ATRX: variants seen among roughly 807,000 people sequenced by gnomAD.
ATRX encodes chromatin remodeler ATRX.
In ATRX, 12 loss-of-function variants were observed where a neutral mutation model predicts 172.6. The observed-to-expected ratio is 0.07, with a 90% CI of 0.04 to 0.11. ATRX has a LOEUF of 0.11. Among genes scored for constraint, ATRX ranks in the 10% least tolerant of loss-of-function variants. The probability of loss-of-function intolerance (pLI) is 1.00; values close to 1 mark genes in which losing one functional copy is unlikely to be tolerated. For synonymous variants in ATRX, 674 were observed against 594.7 expected (o/e 1.13, Z -1.94); for missense variants, 1,368 against 1,767.4 (o/e 0.77, Z 4.05).
intron 15 of ATRX, among the ~76,000 whole-genome samples, chrX:77,638,763 G>A (rs1291349062): frequency 2.7e-5 from 3 of 112,153 alleles, no homozygotes; most frequent in East Asian, 5.6e-4. Flanking sequence ...CAAGATTAAC[G>A]CTGAGAAACA....
At chrX:77,672,347 C>T (rs981180549) in intron 10 of ATRX, among the ~76,000 whole-genome samples, 2 of 110,695 alleles carry the variant, frequency 1.8e-5, no homozygotes, top group Admixed American at 1.9e-4. Context: ...GAACATCAAA[C>T]GATTAAGGGA....
chrX:77,747,332 T>C (rs962929659), intron 1 of ATRX, among the ~76,000 whole-genome samples: 3 of 110,020 alleles, frequency 2.7e-5, no homozygotes, highest in Non-Finnish European at 5.7e-5. Flanking sequence ...AGGACCAGCC[T>C]GGCCAACATG....
At chrX:77,755,739 C>T (rs1181369359) in intron 1 of ATRX, among the ~76,000 whole-genome samples, 1 of 111,414 alleles carries the variant, frequency 9.0e-6, no homozygotes, top group Non-Finnish European at 1.9e-5. Context: ...CTGATGCCCA[C>T]GGGAGCTCTC....
At position 77,694,447 on chromosome X, in the gene ATRX, G is replaced by A. The variant is rs1477278370; in HGVS notation, c.371-510C>T. ...AAATGAAGTTCATTCTATTACTCCT[G>A]TATCTATACTGCAGCATTTCCCAAC... On this transcript the variant is annotated intron_variant, in intron 5 of 34. Transcript: ENST00000373344. 2.7e-5 allele frequency among the ~76,000 whole-genome samples: 3 copies of A among 111,022 alleles called. No individual in the cohort carries two copies. The Admixed American group carries it at 2.9e-4, about 11-fold the overall frequency.
At chrX:77,600,167 G>A (rs898981089) in intron 23 of ATRX, among the ~76,000 whole-genome samples, 44 of 111,664 alleles carry the variant, frequency 3.9e-4, no homozygotes, top group African/African-American at 1.4e-3. Context: ...CTGGGTCAAA[G>A]GTATAGGGGA....
intron 1 of ATRX, among the ~76,000 whole-genome samples, chrX:77,719,762 T>C (rs1225308803): frequency 6.3e-5 from 7 of 111,282 alleles, no homozygotes; most frequent in South Asian, 7.5e-4. Flanking sequence ...CTGTCAATAT[T>C]AGACAGACCG....
chrX:77,660,044 A>C (rs1557121730), intron 12 of ATRX, among the ~76,000 whole-genome samples: 2 of 112,106 alleles, frequency 1.8e-5, no homozygotes, highest in African/African-American at 6.5e-5. Context: ...CCACAGAATC[A>C]GGCTGTAGAA....
chrX:77,673,894 G>A (rs1557132202), intron 10 of ATRX: 1 of 110,453 alleles, frequency 9.1e-6, no homozygotes. Context: ...AACAAATTAT[G>A]TCAACTCTCA....
intron 2 of ATRX, among the ~76,000 whole-genome samples, chrX:77,699,898 A>G (rs971854187): frequency 8.9e-6 from 1 of 112,284 alleles, no homozygotes; most frequent in Non-Finnish European, 1.9e-5. Flanking sequence ...TAAAAAACAG[A>G]AAAGGAGGCA....
intron 1 of ATRX, among the ~76,000 whole-genome samples, chrX:77,754,068 G>A (rs782327715): frequency 9.0e-5 from 10 of 111,680 alleles, no homozygotes; most frequent in Admixed American, 1.9e-4. Context: ...TTGTTGCATC[G>A]ATCCCTTAAC....
At chrX:77,730,938 G>A (rs1215151037) in intron 1 of ATRX, among the ~76,000 whole-genome samples, 1 of 110,277 alleles carries the variant, frequency 9.1e-6, no homozygotes, top group Non-Finnish European at 1.9e-5. Context: ...AAAAGCAAGA[G>A]TAAACCAACC....
Position 77,629,589 on chromosome X carries a change from C to T in ATRX, c.5134+3618G>A, listed in dbSNP as rs781797663. The stretch of plus-strand genomic sequence containing the variant: ...AGTAGAGCTTCAGTTTCCTGAAGAA[C>T]ATCCAGTAAAACCTAATGGAGAAAC... On this transcript the variant is annotated intron_variant, in intron 19 of 34. Transcript: ENST00000373344. 2.4e-4 allele frequency among the ~76,000 whole-genome samples: 27 copies of T among 112,179 alleles called. No homozygotes were observed. In the East Asian group the frequency reaches 7.0e-3, roughly 29 times the overall value.
At chrX:77,538,230 A>AACACACACACACAC (rs34675782) in intron 30 of ATRX, among the ~76,000 whole-genome samples, 65 of 95,996 alleles carry the variant, frequency 6.8e-4, no homozygotes, top group African/African-American at 2.4e-3. Context: ...TACACACACA[A>AACACACACACACAC]ACACACACAC....
Position 77,599,584 on chromosome X carries a change from AAAACAAAC to A in ATRX, c.5787-12_5787-5del, listed in dbSNP as rs782072699. 9.1e-6 allele frequency: 11 copies of A among 1,207,071 alleles called. No individual in the cohort carries two copies. Among genetic ancestry groups the A allele is most frequent in the South Asian group, 8.8e-5 (5 of 56,681 alleles). ...CTTTTTCCCTTTTTTCTTCTTTCTA[AAAACAAAC>A]AAACAAACAAACAAAAAAACACATT... is the stretch of plus-strand genomic sequence containing the variant. On this transcript the variant is annotated splice_polypyrimidine_tract_variant and splice_region_variant and intron_variant, in intron 24 of 34. Coordinates refer to ENST00000373344, the MANE Select transcript of ATRX (RefSeq NM_000489.6).
intron 1 of ATRX, among the ~76,000 whole-genome samples, chrX:77,749,296 G>A (rs1371544363): frequency 2.7e-5 from 3 of 110,114 alleles, no homozygotes; most frequent in Non-Finnish European, 3.8e-5. Flanking sequence ...CTTTTTTGTG[G>A]CTGAATAGTA....
At chrX:77,685,664 T>G (rs1368312844) in intron 7 of ATRX, among the ~76,000 whole-genome samples, 1 of 111,577 alleles carries the variant, frequency 9.0e-6, no homozygotes, top group Non-Finnish European at 1.9e-5. Context: ...TGAGATACCG[T>G]ATGATCCAGC....
At chrX:77,623,886 A>C (rs1476220535) in intron 19 of ATRX, among the ~76,000 whole-genome samples, 1 of 111,902 alleles carries the variant, frequency 8.9e-6, no homozygotes, top group African/African-American at 3.2e-5. Context: ...CAAAATCGAC[A>C]TACAAGGGAC....
rs534060636 is a variant in ATRX at position 77,606,039 on chromosome X, T to C, written c.5567-5475A>G. On this transcript the variant is annotated intron_variant, in intron 22 of 34. Transcript: ENST00000373344. ...CCTAGACACATGCAATCTACTAAGA[T>C]TGAACCAGGAAGAAATCCAAAACCT... 3.3e-4 allele frequency among the ~76,000 whole-genome samples: 36 copies of C among 110,740 alleles called. 1 individual carries two copies. The South Asian group carries it at 0.013, about 42-fold the overall frequency.
intron 28 of ATRX, among the ~76,000 whole-genome samples, chrX:77,570,560 A>C (rs1266840228): frequency 9.0e-6 from 1 of 111,647 alleles, no homozygotes; most frequent in East Asian, 2.8e-4. Context: ...AACTCAATAC[A>C]ACATGGACTT....
Sources: gnomAD v4.1 joint callset for allele counts (sites outside exome capture counted in the v4.1 genomes callset) on GRCh38, gnomAD v4.1.1 for gene constraint, MANE v1.5 for transcripts, NCBI Gene and HGNC (gene_info 2026-07-23, HGNC 2026-07-21) for gene names.